CTNNA2: variants seen among roughly 807,000 people sequenced by gnomAD.
CTNNA2 encodes catenin alpha-2.
In CTNNA2, 42 loss-of-function variants were observed where a neutral mutation model predicts 101.0. That is an observed-to-expected ratio of 0.42 (90% CI 0.32 to 0.54). The LOEUF is 0.54. Among genes scored for constraint, CTNNA2 ranks in the 20% least tolerant of loss-of-function variants. The pLI is 0.14. For synonymous variants in CTNNA2, 450 were observed against 456.4 expected, an observed-to-expected ratio of 0.99 and a Z score of 0.18; for missense variants, 871 against 1,223.1, an observed-to-expected ratio of 0.71 and a Z score of 4.29.
intron 7 of CTNNA2, chr2:80,163,277 T>C (rs1226720203): frequency 3.2e-6 from 2 of 624,796 alleles, no homozygotes; most frequent in Non-Finnish European, 5.6e-6. Flanking sequence ...CTTGTATCCT[T>C]GATATAAACT....
At chr2:79,837,237 A>ACTT (rs1314942059) in intron 3 of CTNNA2, among the ~76,000 whole-genome samples, 1 of 152,184 alleles carries the variant, frequency 6.6e-6, no homozygotes, top group East Asian at 1.9e-4. Context: ...AAACTGAAGA[A>ACTT]CTTGAAATCT....
At chr2:79,461,443 C>A (rs1021783584) in intron 4 of CTNNA2, among the ~76,000 whole-genome samples, 1 of 152,170 alleles carries the variant, frequency 6.6e-6, no homozygotes, top group African/African-American at 2.4e-5. Context: ...TGGCTGGTAT[C>A]AGACATTTGA....
At chr2:79,326,950 G>A (rs1676761560) in intron 3 of CTNNA2, among the ~76,000 whole-genome samples, 1 of 152,132 alleles carries the variant, frequency 6.6e-6, no homozygotes, top group South Asian at 2.1e-4. Flanking sequence ...ATTGGATCTG[G>A]TGGCCTGGGC....
intron 9 of CTNNA2, among the ~76,000 whole-genome samples, chr2:80,503,770 A>G (rs1427918357): frequency 6.6e-6 from 1 of 152,098 alleles, no homozygotes; most frequent in Non-Finnish European, 1.5e-5. Context: ...GAGCCTGGAA[A>G]GAGGATCAGG....
chr2:80,595,606 G>A (rs1486956911), intron 15 of CTNNA2, among the ~76,000 whole-genome samples: 1 of 152,056 alleles, frequency 6.6e-6, no homozygotes, highest in African/African-American at 2.4e-5. Context: ...AGTAAGCTGT[G>A]GGTTTTAAAA....
At chr2:80,129,327 G>C (rs1188902514) in intron 7 of CTNNA2, among the ~76,000 whole-genome samples, 1 of 152,214 alleles carries the variant, frequency 6.6e-6, no homozygotes, top group Non-Finnish European at 1.5e-5. Flanking sequence ...TCCATGCTCA[G>C]TAGCCTCTGT....
intron 7 of CTNNA2, among the ~76,000 whole-genome samples, chr2:80,340,124 A>G (rs1672100279): frequency 6.6e-6 from 1 of 152,210 alleles, no homozygotes; most frequent in South Asian, 2.1e-4. Context: ...TGCAATCTTT[A>G]TCACTTGAAG....
intron 3 of CTNNA2, among the ~76,000 whole-genome samples, chr2:79,841,596 C>G (rs1349395854): frequency 1.3e-5 from 2 of 152,148 alleles, no homozygotes; most frequent in Non-Finnish European, 2.9e-5. Context: ...AAAATAGGTG[C>G]GAAGCAGACT....
intron 2 of CTNNA2, among the ~76,000 whole-genome samples, chr2:79,655,918 A>T (rs1681583558): frequency 6.6e-6 from 1 of 152,160 alleles, no homozygotes; most frequent in African/African-American, 2.4e-5. Flanking sequence ...GCATTAAAAT[A>T]TTTTCTCAAA....
intron 9 of CTNNA2, among the ~76,000 whole-genome samples, chr2:80,475,514 A>C (rs2149491772): frequency 6.6e-6 from 1 of 152,294 alleles, no homozygotes; most frequent in East Asian, 1.9e-4. Context: ...TATGAGGTCA[A>C]GTGATGAGAT....
intron 7 of CTNNA2, among the ~76,000 whole-genome samples, chr2:80,270,879 G>T (rs980971619): frequency 6.6e-6 from 1 of 152,036 alleles, no homozygotes; most frequent in South Asian, 2.1e-4. Flanking sequence ...AGCCACCCTG[G>T]TATATTCAGA....
At chr2:79,730,411 C>T (rs1390361913) in intron 2 of CTNNA2, among the ~76,000 whole-genome samples, 2 of 151,898 alleles carry the variant, frequency 1.3e-5, no homozygotes, top group Non-Finnish European at 1.5e-5. Context: ...TTTTCTGCTT[C>T]TAATTTTTGG....
intron 7 of CTNNA2, among the ~76,000 whole-genome samples, chr2:79,992,406 T>C (rs1692246736): frequency 1.3e-5 from 2 of 152,214 alleles, no homozygotes; most frequent in Admixed American, 6.5e-5. Flanking sequence ...CCAAAATGTG[T>C]GAGGAATGAT....
chr2:80,245,508 A>G (rs180982815), intron 7 of CTNNA2, among the ~76,000 whole-genome samples: 23 of 152,232 alleles, frequency 1.5e-4, no homozygotes, highest in Admixed American at 5.9e-4. Context: ...TATTTTCCTT[A>G]TAGTCCCACA....
At chr2:79,965,368 A>C (rs565047249) in intron 7 of CTNNA2, among the ~76,000 whole-genome samples, 1 of 152,344 alleles carries the variant, frequency 6.6e-6, no homozygotes, top group African/African-American at 2.4e-5. Context: ...GTGATTAGTT[A>C]AAATGTCTAA....
intron 1 of CTNNA2, among the ~76,000 whole-genome samples, chr2:79,533,056 G>C (rs921165759): frequency 6.6e-5 from 10 of 151,870 alleles, no homozygotes; most frequent in African/African-American, 2.2e-4. Flanking sequence ...CTACCTAGGA[G>C]ACCTTCTACA....
At chr2:80,521,124 G>A (rs566062795) in intron 9 of CTNNA2, among the ~76,000 whole-genome samples, 2 of 152,258 alleles carry the variant, frequency 1.3e-5, no homozygotes, top group Admixed American at 6.5e-5. Flanking sequence ...CTGGGGCCGC[G>A]TCCCTGTGTA....
At chr2:80,324,169 G>A (rs1434643609) in intron 7 of CTNNA2, among the ~76,000 whole-genome samples, 4 of 152,152 alleles carry the variant, frequency 2.6e-5, no homozygotes, top group African/African-American at 4.8e-5. Context: ...CTGTTCTAAA[G>A]TTTCAATTAA....
chr2:79,971,093 A>G (rs185522899), intron 7 of CTNNA2, among the ~76,000 whole-genome samples: 16 of 152,202 alleles, frequency 1.1e-4, no homozygotes, highest in African/African-American at 3.6e-4. Context: ...GGGAGGCGAG[A>G]CAGCCCCATT....
Sources: gnomAD v4.1 joint callset for allele counts (sites outside exome capture counted in the v4.1 genomes callset) on GRCh38, gnomAD v4.1.1 for gene constraint, MANE v1.5 for transcripts, NCBI Gene and HGNC (gene_info 2026-07-23, HGNC 2026-07-21) for gene names.